Variants in PTPRM observed in about 807,000 individuals in gnomAD.
The protein encoded by PTPRM is protein tyrosine phosphatase receptor type M.
PTPRM carries 47 observed loss-of-function variants against 186.7 expected under a neutral mutation model. That is an observed-to-expected ratio of 0.25 (90% CI 0.20 to 0.32). The LOEUF (loss-of-function observed/expected upper bound fraction) is 0.32, where lower values mean the gene tolerates loss of function less well. Among genes scored for constraint, PTPRM ranks in the 10% least tolerant of loss-of-function variants. The pLI is 1.00. For missense variants in PTPRM, 1,494 were observed against 1,865.0 expected (o/e 0.80, Z 3.66); for synonymous variants, 668 against 674.9 (o/e 0.99, Z 0.16).
rs188383236 is a variant in PTPRM at position 8,084,340 on chromosome 18, A to G, written c.1552-1331A>G. ...CGAATGGAGGACCAAGTAATCATACAGCGGTTACATCGCTGACGTCCTTCG... is the reference window on the plus strand; with the variant it reads ...CGAATGGAGGACCAAGTAATCATACGGCGGTTACATCGCTGACGTCCTTCG... On this transcript the variant is annotated intron_variant, in intron 9 of 32. Coordinates refer to ENST00000580170, the MANE Select transcript of PTPRM (RefSeq NM_001105244.2). Among the ~76,000 whole-genome samples, 3 of 152,300 alleles carry G rather than the reference A, an allele frequency of 2.0e-5. No individual in the cohort carries two copies. In the East Asian group the frequency reaches 5.8e-4, roughly 29 times the overall value.
At chr18:8,182,959 G>A (rs1267478364) in intron 14 of PTPRM, among the ~76,000 whole-genome samples, 1 of 152,114 alleles carries the variant, frequency 6.6e-6, no homozygotes, top group African/African-American at 2.4e-5. Flanking sequence ...GCGTTTCATA[G>A]CCCATTGTTT....
At chr18:8,202,589 A>ATT (rs11397601) in intron 14 of PTPRM, among the ~76,000 whole-genome samples, 267 of 146,706 alleles carry the variant, frequency 1.8e-3, no homozygotes, top group African/African-American at 5.9e-3. Context: ...TTGTTCTCTG[A>ATT]TTTTTTTTTT....
chr18:8,165,116 C>T lies in PTPRM; in HGVS notation c.2300+21337C>T, dbSNP rs143619313. Among the ~76,000 whole-genome samples, 725 of 148,480 alleles carry T rather than the reference C, an allele frequency of 4.9e-3. 4 individuals are homozygous for T. The highest frequency in any genetic ancestry group is 6.9e-3 in the Middle Eastern group (2 of 288). On this transcript the variant is annotated intron_variant, in intron 14 of 32. Transcript: ENST00000580170. ...CCCAGGAGGCAGAGGTTGCAGTAAG[C>T]GGAGATCACGCCACTGCACTCCTGC...
chr18:7,801,919 G>A (rs1213503068), intron 2 of PTPRM, among the ~76,000 whole-genome samples: 2 of 152,176 alleles, frequency 1.3e-5, no homozygotes, highest in Admixed American at 1.3e-4. Flanking sequence ...CATGAAACCT[G>A]GCTAGCATCA....
Position 8,296,493 on chromosome 18 carries a change from TC to T in PTPRM, c.2842+40del, listed in dbSNP as rs1223025995. ...AGTGTCATTGTGCTGTTGTAGAACT[TC>T]CTTTTTGCATCTAGTAAGATTGACC... On this transcript the variant is annotated intron_variant, in intron 20 of 32. Transcript: ENST00000580170. 5.4e-6 allele frequency: 8 copies of T among 1,475,610 alleles called. No homozygotes were observed. The African/African-American group carries it at 8.3e-5, about 15-fold the overall frequency. 91.4% of individuals were successfully genotyped at this position (1,475,610 alleles called of 1,614,324 possible).
Position 8,384,598 on chromosome 18 carries a change from G to A in PTPRM, c.3956G>A (p.Arg1319Lys). ...PQYWPENGVH[R>K]HGPIQVEFVS... Reference sequence around the variant, plus strand: ...TACTGGCCAGAAAACGGAGTACACAGACACGGCCCCATCCAGGTGGAATTT... The same window carrying A: ...TACTGGCCAGAAAACGGAGTACACAAACACGGCCCCATCCAGGTGGAATTT... Residue 1319 changes from arginine to lysine, a missense_variant, in exon 30 of 33, where the codon AGA becomes AAA. By Grantham distance (26) the Arg-to-Lys change is conservative. This residue lies in a region of PTPRM where 1,107 missense variants were observed against 1,350.2 expected (regional missense o/e 0.82). Coordinates refer to ENST00000580170, the MANE Select transcript of PTPRM (RefSeq NM_001105244.2). 1 of 1,614,176 alleles carries A rather than the reference G, an allele frequency of 6.2e-7. No homozygotes were observed. The highest frequency in any genetic ancestry group is 1.1e-5 in the South Asian group (1 of 91,078).
intron 11 of PTPRM, among the ~76,000 whole-genome samples, chr18:8,102,294 C>T (rs1229375645): frequency 1.3e-5 from 2 of 152,160 alleles, no homozygotes; most frequent in Admixed American, 1.3e-4. Context: ...TGAAATTTGC[C>T]ACATCAGTTG....
intron 7 of PTPRM, among the ~76,000 whole-genome samples, chr18:8,065,034 A>G (rs1272933284): frequency 1.3e-5 from 2 of 152,178 alleles, no homozygotes; most frequent in Non-Finnish European, 2.9e-5. Flanking sequence ...TGAGAGGTAG[A>G]AAAGAGAAAC....
intron 19 of PTPRM, among the ~76,000 whole-genome samples, chr18:8,273,269 C>T (rs1457064416): frequency 6.6e-6 from 1 of 152,144 alleles, no homozygotes; most frequent in Non-Finnish European, 1.5e-5. Context: ...GGCTTCTCCC[C>T]CACCCTACCT....
intron 1 of PTPRM, among the ~76,000 whole-genome samples, chr18:7,693,834 G>A (rs1292728208): frequency 6.6e-6 from 1 of 152,182 alleles, no homozygotes; most frequent in Non-Finnish European, 1.5e-5. Context: ...GCAGACACAG[G>A]GTGGGGTTGG....
chr18:8,107,318 CT>C (rs904996240), intron 11 of PTPRM, among the ~76,000 whole-genome samples: 1 of 152,132 alleles, frequency 6.6e-6, no homozygotes, highest in Non-Finnish European at 1.5e-5. Context: ...GATAGGTGGC[CT>C]TTTACAGAGC....
chr18:7,998,245 G>A (rs1277949683), intron 7 of PTPRM, among the ~76,000 whole-genome samples: 1 of 151,880 alleles, frequency 6.6e-6, no homozygotes, highest in Admixed American at 6.6e-5. Flanking sequence ...GGATGAGCCT[G>A]GAGGACATTA....
intron 29 of PTPRM, among the ~76,000 whole-genome samples, chr18:8,382,898 A>ATTGTCTTCCTCTGTGG (rs2095745957): frequency 6.6e-6 from 1 of 152,194 alleles, no homozygotes; most frequent in Non-Finnish European, 1.5e-5. Flanking sequence ...AAATTAGGTG[A>ATTGTCTTCCTCTGTGG]TTGTCTTCCT....
chr18:8,302,650 G>C (rs533594961), intron 20 of PTPRM, among the ~76,000 whole-genome samples: 2 of 152,228 alleles, frequency 1.3e-5, no homozygotes, highest in African/African-American at 4.8e-5. Context: ...TTCAGAAGAA[G>C]TAATGGACCC....
chr18:8,057,425 C>CTTTTTTTTTTTTTTTTTTTTTTTTTT (rs763829289), intron 7 of PTPRM, among the ~76,000 whole-genome samples: 2 of 102,562 alleles, frequency 2.0e-5, no homozygotes, highest in Non-Finnish European at 1.9e-5. Flanking sequence ...TGTGATACTT[C>CTTTTTTTTTTTTTTTTTTTTTTTTTT]TTTTTTTTTT....
At chr18:8,014,531 G>A (rs560861154) in intron 7 of PTPRM, among the ~76,000 whole-genome samples, 50 of 152,242 alleles carry the variant, frequency 3.3e-4, no homozygotes, top group African/African-American at 1.2e-3. Context: ...GAACGGTTAG[G>A]ATAATTGCCT....
chr18:7,706,493 T>C (rs1490731179), intron 1 of PTPRM, among the ~76,000 whole-genome samples: 1 of 149,594 alleles, frequency 6.7e-6, no homozygotes, highest in East Asian at 2.0e-4. Context: ...TCACAGCTAA[T>C]TGGGAGGCTA....
chr18:7,991,110 C>T (rs2083245073), intron 7 of PTPRM, among the ~76,000 whole-genome samples: 1 of 152,150 alleles, frequency 6.6e-6, no homozygotes, highest in African/African-American at 2.4e-5. Context: ...ATTTGCTTTT[C>T]TGCATCTTCC....
At chr18:7,852,431 A>G (rs1204824436) in intron 2 of PTPRM, among the ~76,000 whole-genome samples, 24 of 151,994 alleles carry the variant, frequency 1.6e-4, no homozygotes, top group Non-Finnish European at 2.9e-5. Context: ...TTTTTTTTAG[A>G]AAAGAAACAA....
Sources: gnomAD v4.1 joint callset for allele counts (sites outside exome capture counted in the v4.1 genomes callset) on GRCh38, gnomAD v4.1.1 for gene constraint, gnomAD v4.1.1 regional missense constraint, MANE v1.5 for transcripts, NCBI Gene and HGNC (gene_info 2026-07-23, HGNC 2026-07-21) for gene names.